The following ANKIB1 variants were observed in gnomAD, a reference collection of about 807,000 sequenced individuals.
The protein encoded by ANKIB1 is ankyrin repeat and IBR domain-containing protein 1.
A neutral mutation model predicts 122.1 loss-of-function variants in ANKIB1; 43 were observed. That is an observed-to-expected ratio of 0.35 (90% CI 0.28 to 0.45). ANKIB1 has a LOEUF of 0.45. ANKIB1 is among the 20% of genes least tolerant of loss of function. The pLI, the probability that ANKIB1 is intolerant of heterozygous loss-of-function variation, is 1.00. For missense variants in ANKIB1, 992 were observed against 1,329.5 expected (o/e 0.75, Z 3.95); for synonymous variants, 390 against 442.0 (o/e 0.88, Z 1.48).
At position 92,387,898 on chromosome 7, in the gene ANKIB1, C is replaced by T; in HGVS notation, c.1839+14C>T. The T allele has an allele frequency of 2.5e-6, 4 of 1,610,410 alleles. No individual in the cohort carries two copies. In the African/African-American group the frequency reaches 5.3e-5, roughly 21 times the overall value. On this transcript the variant is annotated intron_variant, in intron 13 of 19. Transcript: ENST00000265742. ...CATAGTTATCAGGTATGTCCCAAAT[C>T]ATTTCAAATGAGCTGACCTATACTG...
At chr7:92,362,903 G>A (rs559167641) in intron 10 of ANKIB1, among the ~76,000 whole-genome samples, 30 of 149,980 alleles carry the variant, frequency 2.0e-4, no homozygotes, top group African/African-American at 7.0e-4. Context: ...AATCTCTGAG[G>A]GGACTCCTTT....
At chr7:92,277,082 G>C (rs1294316391) in intron 1 of ANKIB1, among the ~76,000 whole-genome samples, 1 of 152,116 alleles carries the variant, frequency 6.6e-6, no homozygotes, top group Admixed American at 6.5e-5. Context: ...TGAAGTGTCT[G>C]CTCCTCCTTT....
rs187952686 is a variant in ANKIB1 at position 92,398,339 on chromosome 7, C to T, written c.2660C>T (p.Ala887Val). The T allele has an allele frequency of 1.1e-5, 17 of 1,613,480 alleles. No individual in the cohort carries two copies. The highest frequency in any genetic ancestry group is 4.0e-5 in the African/African-American group (3 of 75,022). Reference protein sequence around the residue: ...DFLSNEASLGAIGTSLPSRLD... With the variant: ...DFLSNEASLGVIGTSLPSRLD... ...CTCAGTAATGAAGCATCCTTAGGTG[C>T]GATAGGCACTTCTTTACCTTCCAGG... Residue 887 changes from alanine (A) to valine (V), a missense_variant, in exon 20 of 20, where the codon GCG (alanine) becomes GTG (valine). Physicochemically the swap from Ala to Val is moderately conservative, Grantham distance 64. Coordinates refer to ENST00000265742, the MANE Select transcript of ANKIB1 (RefSeq NM_019004.2).
At chr7:92,275,575 C>T (rs907699474) in intron 1 of ANKIB1, among the ~76,000 whole-genome samples, 2 of 152,030 alleles carry the variant, frequency 1.3e-5, no homozygotes, top group Non-Finnish European at 2.9e-5. Flanking sequence ...TTAATTCAAT[C>T]CCAAATGGCA....
At chr7:92,372,374 A>C (rs1804287951) in intron 11 of ANKIB1, among the ~76,000 whole-genome samples, 1 of 152,202 alleles carries the variant, frequency 6.6e-6, no homozygotes. Flanking sequence ...TGCATAGGTT[A>C]GTATGCAAAT....
intron 5 of ANKIB1, among the ~76,000 whole-genome samples, chr7:92,335,282 TTTG>T (rs1380225463): frequency 6.6e-6 from 1 of 152,090 alleles, no homozygotes; most frequent in South Asian, 2.1e-4. Flanking sequence ...TCTTTTGAAA[TTTG>T]TTGAGGCTTG....
intron 9 of ANKIB1, among the ~76,000 whole-genome samples, chr7:92,355,665 C>T (rs1222764278): frequency 6.6e-6 from 1 of 151,696 alleles, no homozygotes; most frequent in East Asian, 1.9e-4. Context: ...CTGGGTAACA[C>T]AGTGAAACCC....
At chr7:92,296,133 C>T (rs994995420) in intron 2 of ANKIB1, among the ~76,000 whole-genome samples, 2 of 151,968 alleles carry the variant, frequency 1.3e-5, no homozygotes, top group African/African-American at 2.4e-5. Flanking sequence ...CAAAACATGC[C>T]GTGAGGTTTC....
chr7:92,327,300 T>C (rs2131957431), intron 4 of ANKIB1, among the ~76,000 whole-genome samples: 1 of 152,332 alleles, frequency 6.6e-6, no homozygotes, highest in South Asian at 2.1e-4. Flanking sequence ...TAGTGGAGCA[T>C]TAAAAAAGCC....
At chr7:92,300,938 T>A (rs1446532180) in intron 2 of ANKIB1, among the ~76,000 whole-genome samples, 1 of 152,130 alleles carries the variant, frequency 6.6e-6, no homozygotes, top group Admixed American at 6.6e-5. Flanking sequence ...ATAAGTGAGA[T>A]CTTGCACTCA....
Position 92,397,807 on chromosome 7 carries a change from C to T in ANKIB1, c.2480C>T (p.Ser827Phe). 1 of 1,606,404 alleles carries T rather than the reference C, an allele frequency of 6.2e-7. No homozygotes were observed. Among genetic ancestry groups the T allele is most frequent in the Non-Finnish European group, 8.5e-7 (1 of 1,177,896 alleles). Residue 827 changes from serine to phenylalanine, a missense_variant, in exon 19 of 20, where the codon TCC (serine) becomes TTC (phenylalanine). Physicochemically the swap from Ser to Phe is radical, Grantham distance 155 (BLOSUM62 -2). Transcript: ENST00000265742. Reference protein sequence around the residue: ...SASMSVLHSSSLRDYTPASRS... With the variant: ...SASMSVLHSSFLRDYTPASRS... Reference sequence around the variant, plus strand: ...TCTATGAGTGTGCTGCACAGCTCTTCCCTGCGTGACTACACCCCTGCCAGT... The same window carrying T: ...TCTATGAGTGTGCTGCACAGCTCTTTCCTGCGTGACTACACCCCTGCCAGT...
At chr7:92,328,472 A>G (rs769389409) in intron 5 of ANKIB1, among the ~76,000 whole-genome samples, 25 of 152,006 alleles carry the variant, frequency 1.6e-4, no homozygotes, top group Non-Finnish European at 3.4e-4. Context: ...TATATAAGAA[A>G]ATTTTCCTAA....
chr7:92,256,073 G>A (rs900283058), intron 1 of ANKIB1, among the ~76,000 whole-genome samples: 1 of 152,172 alleles, frequency 6.6e-6, no homozygotes, highest in African/African-American at 2.4e-5. Context: ...GGGCTGGGGA[G>A]CTATTATCAT....
Position 92,362,230 on chromosome 7 carries a change from G to T in ANKIB1, c.1443G>T (p.Trp481Cys). ...EAHEPCDCQT[W>C]KNWLQKITEM... ...ATGAGCCTTGTGACTGCCAAACATG[G>T]AAGAATTGGCTGCAAAAAATAACCG... Residue 481 changes from tryptophan to cysteine, a missense_variant, in exon 10 of 20, where the codon TGG (tryptophan) becomes TGT (cysteine). Trp to Cys is a radical substitution (Grantham distance 215, BLOSUM62 -2). Transcript: ENST00000265742. 3 of 1,601,086 alleles carry T rather than the reference G, an allele frequency of 1.9e-6. No homozygotes were observed. Among genetic ancestry groups the T allele is most frequent in the East Asian group, 2.2e-5 (1 of 44,584 alleles).
intron 5 of ANKIB1, among the ~76,000 whole-genome samples, chr7:92,330,272 A>G (rs1010359561): frequency 6.6e-6 from 1 of 152,104 alleles, no homozygotes; most frequent in Non-Finnish European, 1.5e-5. Flanking sequence ...TTTCCTTTAT[A>G]TTAACCTTGA....
chr7:92,265,762 G>A (rs1176115189), intron 1 of ANKIB1, among the ~76,000 whole-genome samples: 1 of 152,206 alleles, frequency 6.6e-6, no homozygotes, highest in Admixed American at 6.5e-5. Context: ...ATTGGCCTGA[G>A]GGAGCCGGTG....
intron 3 of ANKIB1, among the ~76,000 whole-genome samples, chr7:92,314,311 G>A (rs1360789061): frequency 1.3e-5 from 2 of 151,296 alleles, no homozygotes; most frequent in Admixed American, 6.6e-5. Flanking sequence ...AAAAAAAAAA[G>A]AAAAAGAATT....
At chr7:92,393,553 C>G (rs1804829395) in intron 17 of ANKIB1, among the ~76,000 whole-genome samples, 1 of 151,832 alleles carries the variant, frequency 6.6e-6, no homozygotes, top group Non-Finnish European at 1.5e-5. Context: ...CACAGTTTAG[C>G]AAAAATAAAT....
intron 11 of ANKIB1, among the ~76,000 whole-genome samples, chr7:92,373,601 CAG>C (rs1804319800): frequency 1.3e-5 from 2 of 152,124 alleles, no homozygotes; most frequent in Admixed American, 6.6e-5. Flanking sequence ...TACTGTGACA[CAG>C]AAGACTTATG....
Sources: allele counts gnomAD v4.1 joint callset (sites outside exome capture counted in the v4.1 genomes callset), GRCh38; gene constraint gnomAD v4.1.1; transcripts MANE v1.5; gene names NCBI Gene and HGNC (gene_info 2026-07-23, HGNC 2026-07-21).